Variants in CA5A observed in about 807,000 individuals in gnomAD.
CA5A encodes carbonic anhydrase 5A, also known as carbonic anhydrase 5A, mitochondrial.
CA5A carries 28 observed loss-of-function variants against 37.1 expected under a neutral mutation model. That is an observed-to-expected ratio of 0.75 (90% CI 0.56 to 1.03). CA5A has a LOEUF of 1.03. Among genes scored for constraint, CA5A ranks in the 50% least tolerant of loss-of-function variants. The probability of loss-of-function intolerance (pLI) is 0.00; values close to 1 mark genes in which losing one functional copy is unlikely to be tolerated. For synonymous variants in CA5A, 171 were observed against 158.4 expected (o/e 1.08, Z -0.60); for missense variants, 444 against 399.9 (o/e 1.11, Z -0.94).
At chr16:87,932,055 AG>A (rs903616250) in intron 1 of CA5A, among the ~76,000 whole-genome samples, 1 of 152,148 alleles carries the variant, frequency 6.6e-6, no homozygotes, top group African/African-American at 2.4e-5. Flanking sequence ...TGGAGGTTGC[AG>A]TGAGCTGAGA....
chr16:87,912,801 G>A (rs1205298684), intron 2 of CA5A, among the ~76,000 whole-genome samples: 1 of 152,232 alleles, frequency 6.6e-6, no homozygotes, highest in Admixed American at 6.5e-5. Context: ...GATAATGGCG[G>A]CTCCAGGCAG....
rs532527821 is a variant in CA5A, at chr16:87,914,036, G to A, written c.341-9132C>T. ...CGATGACCTTTTCCCGGACTTCCTA[G>A]CTGGATCTCCGTGAGTGCCAGGGCT... On this transcript the variant is annotated intron_variant, in intron 2 of 6. Transcript: ENST00000649794. 2.6e-5 allele frequency among the ~76,000 whole-genome samples: 4 copies of A among 152,354 alleles called. No individual in the cohort carries two copies. The East Asian group carries it at 7.7e-4, about 29-fold the overall frequency.
intron 3 of CA5A, among the ~76,000 whole-genome samples, chr16:87,903,171 G>A (rs1473089468): frequency 2.0e-5 from 3 of 152,050 alleles, no homozygotes; most frequent in Admixed American, 6.6e-5. Flanking sequence ...GGTGGCTCAC[G>A]CCTATAATCT....
intron 2 of CA5A, among the ~76,000 whole-genome samples, chr16:87,917,814 T>G (rs907174901): frequency 7.1e-6 from 1 of 141,806 alleles, no homozygotes; most frequent in African/African-American, 2.8e-5. Context: ...TGTGCACACA[T>G]GCACACGAAC....
At chr16:87,890,762 A>G (rs4843729) in intron 6 of CA5A, among the ~76,000 whole-genome samples, 1 of 151,940 alleles carries the variant, frequency 6.6e-6, no homozygotes, top group Non-Finnish European at 1.5e-5. Flanking sequence ...ATTACAGGCA[A>G]ACGCCACCAT....
intron 5 of CA5A, among the ~76,000 whole-genome samples, chr16:87,896,366 G>C (rs2055802940): frequency 6.6e-6 from 1 of 152,198 alleles, no homozygotes; most frequent in African/African-American, 2.4e-5. Context: ...ATCGTCCCCA[G>C]GAGTTCCTGT....
intron 5 of CA5A, among the ~76,000 whole-genome samples, chr16:87,897,795 T>C (rs773505753): frequency 2.0e-5 from 3 of 152,140 alleles, no homozygotes; most frequent in Non-Finnish European, 4.4e-5. Flanking sequence ...GGTTTTCCTG[T>C]GTGTGCAAGA....
intron 2 of CA5A, among the ~76,000 whole-genome samples, chr16:87,918,617 C>T (rs1368219905): frequency 6.6e-6 from 1 of 152,230 alleles, no homozygotes; most frequent in African/African-American, 2.4e-5. Flanking sequence ...CACGGCATGG[C>T]CCAGGCCTCG....
At position 87,914,508 on chromosome 16, in the gene CA5A, T is replaced by G. The variant is rs554435504; in HGVS notation, c.341-9604A>C. 2.6e-3 allele frequency among the ~76,000 whole-genome samples: 402 copies of G among 152,088 alleles called. 2 individuals are homozygous for G. Among genetic ancestry groups the G allele is most frequent in the African/African-American group, 9.3e-3 (387 of 41,470 alleles). ...CTGCACCCCCGTCTGTCTCCAAGGC[T>G]GAGGAACTGGGGTGGGAGGAGGAGG... On this transcript the variant is annotated intron_variant, in intron 2 of 6. Transcript: ENST00000649794.
chr16:87,910,164 A>T (rs1485472871), intron 2 of CA5A, among the ~76,000 whole-genome samples: 1 of 152,224 alleles, frequency 6.6e-6, no homozygotes, highest in African/African-American at 2.4e-5. Context: ...TAAGGGGCAA[A>T]GGCTCTCACT....
At chr16:87,929,076 A>G (rs572729634) in intron 1 of CA5A, among the ~76,000 whole-genome samples, 196 of 145,768 alleles carry the variant, frequency 1.3e-3, no homozygotes, top group African/African-American at 4.6e-3. Context: ...GCCTTGGATT[A>G]TTTTCTTCTT....
intron 6 of CA5A, among the ~76,000 whole-genome samples, chr16:87,890,510 C>A (rs575585957): frequency 1.3e-5 from 2 of 152,242 alleles, no homozygotes; most frequent in South Asian, 4.1e-4. Flanking sequence ...CGGGCGGGGG[C>A]GGGGCATAGG....
At chr16:87,934,655 G>A (rs1696311049) in intron 1 of CA5A, among the ~76,000 whole-genome samples, 4 of 152,142 alleles carry the variant, frequency 2.6e-5, no homozygotes, top group African/African-American at 9.6e-5. Flanking sequence ...GCTCTTGACG[G>A]TCGTACTAAG....
intron 2 of CA5A, among the ~76,000 whole-genome samples, chr16:87,913,655 C>G (rs963761021): frequency 2.9e-5 from 4 of 136,144 alleles, no homozygotes; most frequent in African/African-American, 9.7e-5. Flanking sequence ...GTGCCGTGGC[C>G]CCCCCCTCCT....
chr16:87,928,040 G>C (rs923619038), intron 1 of CA5A, among the ~76,000 whole-genome samples: 2 of 152,054 alleles, frequency 1.3e-5, no homozygotes, highest in Admixed American at 1.3e-4. Context: ...TCCTGCTCTT[G>C]AAACCTTAGA....
chr16:87,908,686 A>G (rs564555866), intron 2 of CA5A, among the ~76,000 whole-genome samples: 1 of 152,316 alleles, frequency 6.6e-6, no homozygotes, highest in East Asian at 1.9e-4. Flanking sequence ...TCTGCAGGGT[A>G]AGGTGCTGTG....
At chr16:87,920,223 C>G (rs1457930549) in intron 2 of CA5A, among the ~76,000 whole-genome samples, 2 of 152,260 alleles carry the variant, frequency 1.3e-5, no homozygotes, top group Admixed American at 1.3e-4. Flanking sequence ...TTTGAGCACG[C>G]AGTAAAAGGA....
intron 5 of CA5A, among the ~76,000 whole-genome samples, chr16:87,895,570 CA>C (rs759853565): frequency 2.7e-5 from 4 of 150,736 alleles, no homozygotes; most frequent in African/African-American, 7.5e-5. Flanking sequence ...AAACAAAAAA[CA>C]AAAAAAGTAA....
chr16:87,920,111 G>T (rs1393264266), intron 2 of CA5A, among the ~76,000 whole-genome samples: 11 of 152,134 alleles, frequency 7.2e-5, no homozygotes, highest in Non-Finnish European at 1.5e-4. Flanking sequence ...ACGAAGCATG[G>T]ACGAGGCTGA....
Sources: gnomAD v4.1 joint callset for allele counts (sites outside exome capture counted in the v4.1 genomes callset) on GRCh38, gnomAD v4.1.1 for gene constraint, MANE v1.5 for transcripts, NCBI Gene and HGNC (gene_info 2026-07-23, HGNC 2026-07-21) for gene names.